Variants in CCDC68 observed in about 807,000 individuals in gnomAD.
CCDC68 encodes coiled-coil domain containing 68.
In CCDC68, 45 loss-of-function variants were observed where a neutral mutation model predicts 47.1. The ratio of observed to expected loss-of-function variants is 0.96; its 90% CI spans 0.75 to 1.23. The LOEUF is 1.23. CCDC68 is among the 50% of genes most tolerant of loss of function. CCDC68 has a pLI of 0.00. For synonymous variants in CCDC68, 131 were observed against 129.5 expected, an observed-to-expected ratio of 1.01 and a Z score of -0.08; for missense variants, 353 against 373.6, an observed-to-expected ratio of 0.94 and a Z score of 0.45.
chr18:54,910,227 G>C (rs527577701), intron 10 of CCDC68, among the ~76,000 whole-genome samples: 1 of 152,286 alleles, frequency 6.6e-6, no homozygotes, highest in Non-Finnish European at 1.5e-5. Context: ...AGAGACGGTA[G>C]CTCCTCTCTA....
chr18:54,950,897 CTTTTTTTTTTTTTTTTTT>C (rs869026740), intron 1 of CCDC68, among the ~76,000 whole-genome samples: 3 of 61,946 alleles, frequency 4.8e-5, no homozygotes, highest in African/African-American at 2.0e-4. Context: ...ATTCAGATGT[CTTTTTTTTTTTTTTTTTT>C]TTTTTTTTTT....
At chr18:54,949,801 C>T (rs117110153) in intron 1 of CCDC68, among the ~76,000 whole-genome samples, 4,748 of 152,214 alleles carry the variant, frequency 0.031, 116 homozygotes, top group Middle Eastern at 0.054. Flanking sequence ...GCTGGAAGTG[C>T]AACTCAGGGA....
chr18:54,959,108 A>C (rs909942468), intron 1 of CCDC68: 10 of 152,250 alleles, frequency 6.6e-5, no homozygotes, highest in Admixed American at 6.5e-4. Context: ...GCGGAAAAGC[A>C]GCTCTTCCCA....
intron 5 of CCDC68, chr18:54,937,194 G>A: frequency 2.0e-6 from 1 of 493,332 alleles, no homozygotes; most frequent in African/African-American, 1.9e-5. Flanking sequence ...CCAAACCAGA[G>A]CTCTGTGCAT....
intron 10 of CCDC68, 88 bp downstream of exon 10, chr18:54,917,825 A>C (rs1368978186): frequency 1.4e-6 from 1 of 740,636 alleles, no homozygotes; most frequent in Non-Finnish European, 2.3e-6. Context: ...TGATACTGAT[A>C]CCCTCACGTG....
rs1599071068 is a variant in CCDC68, at chr18:54,936,276, TATTTTTAA to T, written c.471+549_471+556del. The stretch of plus-strand genomic sequence containing the variant: ...ATATATTTAAAAATATATAGTTATA[TATTTTTAA>T]ATAATATATAAAAATATAAATATAT... On this transcript the variant is annotated intron_variant, in intron 6 of 11. Transcript: ENST00000591504. Among the ~76,000 whole-genome samples, 3 of 145,978 alleles carry T rather than the reference TATTTTTAA, an allele frequency of 2.1e-5. No individual in the cohort carries two copies. In the East Asian group the frequency reaches 5.8e-4, roughly 28 times the overall value.
At chr18:54,924,541 A>G (rs189113023) in intron 8 of CCDC68, among the ~76,000 whole-genome samples, 1 of 152,338 alleles carries the variant, frequency 6.6e-6, no homozygotes, top group Admixed American at 6.5e-5. Context: ...TTCTCTCTCA[A>G]TTCATCACTG....
intron 1 of CCDC68, among the ~76,000 whole-genome samples, chr18:54,951,203 C>G (rs558701923): frequency 6.6e-6 from 1 of 151,702 alleles, no homozygotes; most frequent in African/African-American, 2.4e-5. Context: ...CCACCGCGCC[C>G]GGCCCAGATG....
At chr18:54,954,455 T>C (rs527704915) in intron 1 of CCDC68, 6 of 152,316 alleles carry the variant, frequency 3.9e-5, no homozygotes, top group Admixed American at 1.3e-4. Context: ...CAGGTGTTTA[T>C]AGAAAGATAG....
intron 11 of CCDC68, among the ~76,000 whole-genome samples, chr18:54,905,697 C>T (rs1410438199): frequency 1.3e-5 from 2 of 152,106 alleles, no homozygotes; most frequent in African/African-American, 4.8e-5. Flanking sequence ...AATGTGAGTC[C>T]TGCCTTTATA....
rs571273450 is a variant in CCDC68, at chr18:54,951,673, C to T, written c.-102-6196G>A. ...AAGATAGCTTAAGAATCAAAGTTTT[C>T]CAAAGTAGGTCACCAAGTAACAGTC... On this transcript the variant is annotated intron_variant, in intron 1 of 11. Transcript: ENST00000591504. 3.3e-5 allele frequency among the ~76,000 whole-genome samples: 5 copies of T among 152,308 alleles called. No individual in the cohort carries two copies. The East Asian group carries it at 9.7e-4, about 29-fold the overall frequency.
In CCDC68 at chr18:54,906,263, G is replaced by T. The variant is rs148289170; in HGVS notation, c.950+1523C>A. ...CTATCAAAAATCACAGAACAAAGGG[G>T]ACATTCAGTCTCATTTCACCACTTC... On this transcript the variant is annotated intron_variant, in intron 11 of 11. Transcript: ENST00000591504. Among the ~76,000 whole-genome samples, 485 of 152,116 alleles carry T rather than the reference G, an allele frequency of 3.2e-3. 5 individuals carry two copies. The highest frequency in any genetic ancestry group is 4.5e-3 in the Non-Finnish European group (305 of 68,008).
At position 54,951,111 on chromosome 18, in the gene CCDC68, T is replaced by C. The variant is rs1372413555; in HGVS notation, c.-102-5634A>G. Among the ~76,000 whole-genome samples, 3 of 151,308 alleles carry C rather than the reference T, an allele frequency of 2.0e-5. No homozygotes were observed. In the East Asian group the frequency reaches 5.9e-4, roughly 30 times the overall value. ...TTTTAGTAGAGACGGGGTTTCACCG[T>C]GTTAGCCAGGATGGTCTCGATCTCC... On this transcript the variant is annotated intron_variant, in intron 1 of 11. Coordinates refer to ENST00000591504, the MANE Select transcript of CCDC68 (RefSeq NM_025214.3).
chr18:54,956,095 T>C (rs1317261675), intron 1 of CCDC68, among the ~76,000 whole-genome samples: 1 of 152,076 alleles, frequency 6.6e-6, no homozygotes, highest in Non-Finnish European at 1.5e-5. Flanking sequence ...GTTCAAGCGA[T>C]TCTCCTGCCT....
chr18:54,912,466 A>G (rs1914422992), intron 10 of CCDC68, among the ~76,000 whole-genome samples: 1 of 152,334 alleles, frequency 6.6e-6, no homozygotes, highest in African/African-American at 2.4e-5. Context: ...CACCACAGGA[A>G]AAAAGGAGGT....
intron 7 of CCDC68, among the ~76,000 whole-genome samples, chr18:54,929,927 G>T (rs1256721000): frequency 6.6e-6 from 1 of 152,004 alleles, no homozygotes; most frequent in Non-Finnish European, 1.5e-5. Context: ...TATCATATTG[G>T]GTCATCATTT....
intron 11 of CCDC68, among the ~76,000 whole-genome samples, chr18:54,905,643 A>G (rs1031986757): frequency 1.3e-5 from 2 of 152,070 alleles, no homozygotes; most frequent in Admixed American, 6.5e-5. Context: ...CCAAACTACC[A>G]CTTACATTTT....
intron 10 of CCDC68, 31 bp from the exon 11 acceptor site, chr18:54,907,893 T>C (rs1422103563): frequency 8.2e-7 from 1 of 1,216,744 alleles, no homozygotes; most frequent in East Asian, 2.3e-5. Context: ...AGACGTCAAA[T>C]AGCTAACACA....
chr18:54,903,602 A>G lies in CCDC68; in HGVS notation c.*756T>C, dbSNP rs1362256670. 1 of 152,184 alleles carries G rather than the reference A, an allele frequency of 6.6e-6. No homozygotes were observed. The highest frequency in any genetic ancestry group is 1.5e-5 in the Non-Finnish European group (1 of 68,028). The allele number at this position is 152,184 out of a possible 1,614,324, so 9.4% of individuals were successfully genotyped here. On this transcript the variant is annotated 3_prime_UTR_variant, in exon 12 of 12. Transcript: ENST00000591504. ...TACTATTAATAACTATCAAGAAGAAAATTAGTCACAAAGGCAGAGGAAACC... is the reference window on the plus strand; with the variant it reads ...TACTATTAATAACTATCAAGAAGAAGATTAGTCACAAAGGCAGAGGAAACC...
Sources: gnomAD v4.1 joint callset for allele counts (sites outside exome capture counted in the v4.1 genomes callset) on GRCh38, gnomAD v4.1.1 for gene constraint, MANE v1.5 for transcripts, NCBI Gene and HGNC (gene_info 2026-07-23, HGNC 2026-07-21) for gene names.